Variants in NUTM2F observed in about 807,000 individuals in gnomAD.
The protein encoded by NUTM2F is family with sequence similarity 22, member F.
Under a neutral mutation model 43.3 loss-of-function variants are expected in NUTM2F, and 22 were observed. The ratio of observed to expected loss-of-function variants is 0.51; its 90% CI spans 0.36 to 0.73. The LOEUF is 0.73. NUTM2F is among the 30% of genes least tolerant of loss of function. NUTM2F has a pLI of 0.00. For missense variants in NUTM2F, 488 were observed against 927.4 expected (o/e 0.53, Z 6.15); for synonymous variants, 202 against 389.0 (o/e 0.52, Z 5.66).
In NUTM2F at chr9:94,320,346, A is replaced by G; in HGVS notation, c.1230T>C (p.Pro410=). Residue 410 remains proline, a synonymous_variant, in exon 5 of 7, where the codon CCT becomes CCC. Transcript: ENST00000253262. The surrounding 1 kb of genome is among the most constrained non-coding windows in gnomAD (Gnocchi z 4.5). ...GTCCCTCAGGCTCCCCTGTGTCCCC[A>G]GGGTGAGACCCCAGCAGCTCCTCCA... is the stretch of plus-strand genomic sequence containing the variant. The part of the protein sequence containing the change: ...DIMEELLGSH[P]GDTGEPEGQR... 6 of 1,613,620 alleles carry G rather than the reference A, an allele frequency of 3.7e-6. No homozygotes were observed. Among genetic ancestry groups the G allele is most frequent in the Middle Eastern group, 1.7e-4 (1 of 5,864 alleles).
At position 94,322,347 on chromosome 9, in the gene NUTM2F, C is replaced by T; in HGVS notation, c.714-18G>A. On this transcript the variant is annotated intron_variant, in intron 2 of 6. Coordinates refer to ENST00000253262, the MANE Select transcript of NUTM2F (RefSeq NM_017561.2). ...GAACTGGGCTGTAAACCAGTGCAGT[C>T]AGTCCCAGTCTGTAAGCCCACCCTC... The T allele has an allele frequency of 6.2e-7, 1 of 1,611,784 alleles. No homozygotes were observed. Among genetic ancestry groups the T allele is most frequent in the Non-Finnish European group, 8.5e-7 (1 of 1,179,792 alleles).
chr9:94,318,912 G>C lies in NUTM2F; in HGVS notation c.1824C>G (p.Thr608=). 1 of 1,607,980 alleles carries C rather than the reference G, an allele frequency of 6.2e-7. No homozygotes were observed. The highest frequency in any genetic ancestry group is 1.1e-5 in the South Asian group (1 of 90,320). ...CTCCAGGGAGACCCAAGGCGTCCTT[G>C]GTCCCCAGGCCGGGGCAGGTGGGTC... is the stretch of plus-strand genomic sequence containing the variant. ...DHRPTCPGLG[T]KDALGLPGES... Residue 608 remains threonine (T), a synonymous_variant, in exon 7 of 7, where the codon ACC becomes ACG. Coordinates refer to ENST00000253262, the MANE Select transcript of NUTM2F (RefSeq NM_017561.2).
rs1253563345 is a variant in NUTM2F, at chr9:94,320,094, A to T, written c.1368+114T>A. On this transcript the variant is annotated intron_variant, in intron 5 of 6. Coordinates refer to ENST00000253262, the MANE Select transcript of NUTM2F (RefSeq NM_017561.2). This position sits in a 1 kb window ranked among gnomAD's most constrained non-coding sequence, Gnocchi z 4.5. ...ACACAGTCACATACACAGACACTCA[A>T]ATCCATGGAAATACACATACTACTG... The T allele has an allele frequency of 1.1e-6, 1 of 895,060 alleles. No individual in the cohort carries two copies. The highest frequency in any genetic ancestry group is 1.7e-5 in the African/African-American group (1 of 59,792). 55.4% of individuals were successfully genotyped at this position (895,060 alleles called of 1,614,324 possible).
chr9:94,320,182 G>A lies in NUTM2F; in HGVS notation c.1368+26C>T. ...AAGTGCCACCCCCTGGAATCCTACA[G>A]ACCACAGCACTCCAGGCAAGCCCAC... is the stretch of plus-strand genomic sequence containing the variant. On this transcript the variant is annotated intron_variant, in intron 5 of 6. Transcript: ENST00000253262. The surrounding 1 kb of genome is among the most constrained non-coding windows in gnomAD (Gnocchi z 4.5). The A allele has an allele frequency of 6.2e-7, 1 of 1,605,798 alleles. No homozygotes were observed. Among genetic ancestry groups the A allele is most frequent in the Non-Finnish European group, 8.5e-7 (1 of 1,174,994 alleles).
chr9:94,319,786 A>G, intron 5 of NUTM2F, 57 bp from the exon 6 acceptor site: 1 of 1,598,822 alleles, frequency 6.3e-7, no homozygotes, highest in South Asian at 1.1e-5. Flanking sequence ...CCTGGAGCCA[A>G]GGACACCCGG....
Position 94,320,375 on chromosome 9 carries a change from T to G in NUTM2F, c.1201A>C (p.Ile401Leu), listed in dbSNP as rs774502336. ...PPEVVQEYVD[I>L]MEELLGSHPG... ...TGAGACCCCAGCAGCTCCTCCATGA[T>G]GTCCACATACTCCTGCACCACTTCA... is the stretch of plus-strand genomic sequence containing the variant. The change falls in exon 5 of 7, where the codon ATC becomes CTC. Residue 401 changes from isoleucine to leucine, a missense_variant. Physicochemically the swap from Ile to Leu is conservative, Grantham distance 5. Coordinates refer to ENST00000253262, the MANE Select transcript of NUTM2F (RefSeq NM_017561.2). The surrounding 1 kb of genome is among the most constrained non-coding windows in gnomAD (Gnocchi z 4.5). 3 of 1,613,314 alleles carry G rather than the reference T, an allele frequency of 1.9e-6. No homozygotes were observed. Among genetic ancestry groups the G allele is most frequent in the African/African-American group, 2.7e-5 (2 of 74,892 alleles).
chr9:94,322,307 G>A lies in NUTM2F; in HGVS notation c.736C>T (p.Arg246Trp), dbSNP rs747394175. The change falls in exon 3 of 7, where the codon CGG becomes TGG. Residue 246 changes from arginine to tryptophan, a missense_variant. Transcript: ENST00000253262. ...TCCAGCGTCATGGTGGGCTTCCGCCGGGCCAGGGATCGGAGAACTGGGCTG... is the reference window on the plus strand; with the variant it reads ...TCCAGCGTCATGGTGGGCTTCCGCCAGGCCAGGGATCGGAGAACTGGGCTG... The part of the protein sequence containing the change: ...FLIPVLRSLA[R>W]RKPTMTLEEG... 72 of 1,611,790 alleles carry A rather than the reference G, an allele frequency of 4.5e-5. No homozygotes were observed. The highest frequency in any genetic ancestry group is 1.2e-4 in the South Asian group (11 of 90,970).
intron 5 of NUTM2F, 124 bp from the exon 6 acceptor site, chr9:94,319,853 T>A: frequency 8.5e-7 from 1 of 1,175,024 alleles, no homozygotes; most frequent in Non-Finnish European, 1.2e-6. Context: ...CTGTTTCATA[T>A]CATGGCGACC....
chr9:94,321,274 G>T, intron 3 of NUTM2F, 42 bp from the exon 4 acceptor site: 1 of 1,557,604 alleles, frequency 6.4e-7, no homozygotes, highest in Non-Finnish European at 8.6e-7. Flanking sequence ...GAGGGTCCAG[G>T]CCCCCTCCCC....
chr9:94,326,764 A>G (rs998375854), intron 1 of NUTM2F, among the ~76,000 whole-genome samples: 34 of 123,838 alleles, frequency 2.7e-4, no homozygotes, highest in African/African-American at 1.1e-3. Flanking sequence ...AAAAAAAAAA[A>G]AAAGAAAACC....
intron 1 of NUTM2F, 100 bp downstream of exon 1, chr9:94,328,508 C>T: frequency 6.3e-7 from 1 of 1,577,248 alleles, no homozygotes; most frequent in Non-Finnish European, 8.7e-7. Context: ...CCTCCCTCAA[C>T]ATCAGCCCTA....
At position 94,327,234 on chromosome 9, in the gene NUTM2F, G is replaced by T. The variant is rs1831462637; in HGVS notation, c.17-1300C>A. Reference sequence around the variant, plus strand: ...TTCTCCTGCCTCAGCCTCCTGAGTAGCTGGGATTACAGGCGCCCGCCACCA... The same window carrying T: ...TTCTCCTGCCTCAGCCTCCTGAGTATCTGGGATTACAGGCGCCCGCCACCA... On this transcript the variant is annotated intron_variant, in intron 1 of 6. Transcript: ENST00000253262. 2.0e-5 allele frequency among the ~76,000 whole-genome samples: 3 copies of T among 151,788 alleles called. No homozygotes were observed. In the South Asian group the frequency reaches 6.3e-4, roughly 32 times the overall value.
chr9:94,322,174 G>C, intron 3 of NUTM2F, 27 bp downstream of exon 3: 2 of 1,611,710 alleles, frequency 1.2e-6, no homozygotes, highest in Non-Finnish European at 1.7e-6. Context: ...CGCCACACGG[G>C]CCCTGCCCCC....
chr9:94,325,913 C>T lies in NUTM2F; in HGVS notation c.38G>A (p.Gly13Asp), dbSNP rs1052320247. The T allele has an allele frequency of 1.5e-5, 24 of 1,611,704 alleles. No individual in the cohort carries two copies. Among genetic ancestry groups the T allele is most frequent in the Non-Finnish European group, 1.0e-5 (12 of 1,179,814 alleles). ...SNGAYPVLGP[G>D]VTVNPGTSLS... ...GGAGGTGCCAGGGTTCACGGTCACG[C>T]CGGGTCCCAGCACTGGGTATGCTGT... The change falls in exon 2 of 7, where the codon GGC becomes GAC. Residue 13 changes from glycine (G) to aspartate (D), a missense_variant. Coordinates refer to ENST00000253262, the MANE Select transcript of NUTM2F (RefSeq NM_017561.2).
chr9:94,321,849 G>A lies in NUTM2F; in HGVS notation c.842+352C>T, dbSNP rs1224369122. ...ACCGACTTCTGGCCACTGCTGTGAG[G>A]AGCCTGCCCCCCACTCTGTCTTTAG... is the stretch of plus-strand genomic sequence containing the variant. On this transcript the variant is annotated intron_variant, in intron 3 of 6. Transcript: ENST00000253262. Among the ~76,000 whole-genome samples, 5 of 151,282 alleles carry A rather than the reference G, an allele frequency of 3.3e-5. 1 individual carries two copies. The highest frequency in any genetic ancestry group is 7.4e-5 in the Non-Finnish European group (5 of 67,780).
At chr9:94,321,284 C>A (rs543314392) in intron 3 of NUTM2F, 52 bp from the exon 4 acceptor site, 4 of 1,548,524 alleles carry the variant, frequency 2.6e-6, no homozygotes, top group Admixed American at 1.9e-5. Context: ...GCCCCCTCCC[C>A]CCAGGACCAG....
chr9:94,322,383 C>A (rs1399584151), intron 2 of NUTM2F, 54 bp from the exon 3 acceptor site: 10 of 1,608,550 alleles, frequency 6.2e-6, no homozygotes, highest in Non-Finnish European at 7.6e-6. Flanking sequence ...CATCCCGGGC[C>A]CACCTGGTCC....
At chr9:94,325,992 C>G (rs1831449460) in intron 1 of NUTM2F, 58 bp from the exon 2 acceptor site, 2 of 1,599,934 alleles carry the variant, frequency 1.3e-6, no homozygotes, top group Admixed American at 3.4e-5. Flanking sequence ...ACACTAGTCA[C>G]TGGGGAATCA....
intron 2 of NUTM2F, among the ~76,000 whole-genome samples, chr9:94,324,008 G>T (rs1271367382): frequency 6.6e-6 from 1 of 152,170 alleles, no homozygotes; most frequent in Admixed American, 6.5e-5. Context: ...GGTGGCTCAC[G>T]CCTGCAATCC....
Sources: allele counts gnomAD v4.1 joint callset (sites outside exome capture counted in the v4.1 genomes callset), GRCh38; gene constraint gnomAD v4.1.1; non-coding constraint Gnocchi (gnomAD v3.1); transcripts MANE v1.5; gene names NCBI Gene and HGNC (gene_info 2026-07-23, HGNC 2026-07-21).